GRID2: variants seen among roughly 807,000 people sequenced by gnomAD.
GRID2 encodes glutamate receptor ionotropic, delta-2.
In GRID2, 33 loss-of-function variants were observed where a neutral mutation model predicts 114.8. The ratio of observed to expected loss-of-function variants is 0.29; its 90% CI spans 0.22 to 0.38. The LOEUF (loss-of-function observed/expected upper bound fraction) is 0.38, where lower values mean the gene tolerates loss of function less well. GRID2 is among the 10% of genes least tolerant of loss of function. GRID2 has a pLI of 1.00. For synonymous variants in GRID2, 505 were observed against 449.9 expected (o/e 1.12, Z -1.55); for missense variants, 1,184 against 1,257.7 (o/e 0.94, Z 0.89).
chr4:92,825,123 A>G (rs184369208), intron 2 of GRID2, among the ~76,000 whole-genome samples: 146 of 152,256 alleles, frequency 9.6e-4, no homozygotes, highest in Middle Eastern at 3.4e-3. Context: ...TTTGCAAACA[A>G]TCGTCCACCT....
intron 1 of GRID2, among the ~76,000 whole-genome samples, chr4:92,469,811 G>GA (rs938640552): frequency 2.7e-5 from 4 of 150,556 alleles, no homozygotes; most frequent in Non-Finnish European, 5.9e-5. Context: ...ATACTTGGAA[G>GA]AAAAAACAAA....
At chr4:92,764,076 C>G (rs186415440) in intron 2 of GRID2, among the ~76,000 whole-genome samples, 1 of 152,260 alleles carries the variant, frequency 6.6e-6, no homozygotes, top group Admixed American at 6.5e-5. Context: ...TTCTCCACCT[C>G]ATGGTCTAAG....
At chr4:92,616,691 T>C (rs62307896) in intron 2 of GRID2, among the ~76,000 whole-genome samples, 8,397 of 151,650 alleles carry the variant, frequency 0.055, 291 homozygotes, top group East Asian at 0.16. Context: ...AGACTTAGCA[T>C]ACAGTGTTCC....
intron 8 of GRID2, among the ~76,000 whole-genome samples, chr4:93,303,587 G>A (rs1345222459): frequency 6.6e-6 from 1 of 152,170 alleles, no homozygotes; most frequent in Non-Finnish European, 1.5e-5. Context: ...CAGGGCGCAG[G>A]AGCCAATGCT....
intron 1 of GRID2, among the ~76,000 whole-genome samples, chr4:92,360,530 T>G (rs1728565406): frequency 6.6e-6 from 1 of 152,014 alleles, no homozygotes; most frequent in Admixed American, 6.6e-5. Context: ...AAATTCATAG[T>G]CTGATGGGAA....
At position 92,818,076 on chromosome 4, in the gene GRID2, T is replaced by G. The variant is rs1741024106; in HGVS notation, c.244+227790T>G. ...ACATATGAGATATTGATGATCATGT[T>G]GTCTTTTATGTTATCACTATATCCA... On this transcript the variant is annotated intron_variant, in intron 2 of 15. Transcript: ENST00000282020. Among the ~76,000 whole-genome samples the G allele has an allele frequency of 2.0e-5, 3 of 152,312 alleles. 1 individual carries two copies. Among genetic ancestry groups the G allele is most frequent in the Admixed American group, 2.0e-4 (3 of 15,286 alleles).
chr4:92,758,072 A>G (rs976515200), intron 2 of GRID2, among the ~76,000 whole-genome samples: 3 of 152,118 alleles, frequency 2.0e-5, no homozygotes, highest in Non-Finnish European at 4.4e-5. Flanking sequence ...GCATGTGGAC[A>G]CTTACTAATT....
At chr4:92,410,136 G>A (rs541296196) in intron 1 of GRID2, among the ~76,000 whole-genome samples, 15 of 152,178 alleles carry the variant, frequency 9.9e-5, no homozygotes, top group Non-Finnish European at 1.5e-4. Context: ...TTTGGGTTTC[G>A]GAGGACACCC....
chr4:92,378,180 C>A lies in GRID2; in HGVS notation c.88+73436C>A, dbSNP rs543215734. ...AAGGTAAAGTACTTAATTAAAAAAACTAAAAATTTAAGGGGATTTTAAGTC... is the reference window on the plus strand; with the variant it reads ...AAGGTAAAGTACTTAATTAAAAAAAATAAAAATTTAAGGGGATTTTAAGTC... On this transcript the variant is annotated intron_variant, in intron 1 of 15. Transcript: ENST00000282020. Among the ~76,000 whole-genome samples the A allele has an allele frequency of 2.3e-3, 350 of 151,660 alleles. 8 individuals are homozygous for A. The highest frequency in any genetic ancestry group is 6.3e-4 in the Non-Finnish European group (43 of 67,890).
At chr4:92,644,160 A>G (rs1030656972) in intron 2 of GRID2, among the ~76,000 whole-genome samples, 1 of 151,744 alleles carries the variant, frequency 6.6e-6, no homozygotes, top group Admixed American at 6.6e-5. Flanking sequence ...ACTTTCTAAC[A>G]TCTTTTTCAT....
intron 8 of GRID2, among the ~76,000 whole-genome samples, chr4:93,380,110 A>G (rs1763717222): frequency 6.6e-6 from 1 of 152,114 alleles, no homozygotes; most frequent in Admixed American, 6.6e-5. Context: ...ATCTTTGCAG[A>G]TATAATTGTA....
At chr4:92,881,747 A>C (rs896214246) in intron 2 of GRID2, among the ~76,000 whole-genome samples, 2 of 152,194 alleles carry the variant, frequency 1.3e-5, no homozygotes. Flanking sequence ...TGTTGAGAAA[A>C]ATATTGTCTT....
chr4:92,490,199 G>A, intron 1 of GRID2, among the ~76,000 whole-genome samples: 1 of 152,084 alleles, frequency 6.6e-6, no homozygotes, highest in East Asian at 1.9e-4. Context: ...AAATTAATAA[G>A]ATAGCAAATA....
intron 1 of GRID2, among the ~76,000 whole-genome samples, chr4:92,400,295 C>G (rs982155553): frequency 6.6e-6 from 1 of 152,166 alleles, no homozygotes; most frequent in Non-Finnish European, 1.5e-5. Context: ...AAACCACCAA[C>G]ATACATTCTT....
chr4:92,783,363 C>A lies in GRID2; in HGVS notation c.244+193077C>A, dbSNP rs190781705. Reference sequence around the variant, plus strand: ...TTGTCAAAGTATTCCAAAATGCTAGCAAATAAAATCAGAGAATGTTGTATT... The same window carrying A: ...TTGTCAAAGTATTCCAAAATGCTAGAAAATAAAATCAGAGAATGTTGTATT... On this transcript the variant is annotated intron_variant, in intron 2 of 15. Coordinates refer to ENST00000282020, the MANE Select transcript of GRID2 (RefSeq NM_001510.4). 3.6e-3 allele frequency among the ~76,000 whole-genome samples: 540 copies of A among 151,372 alleles called. 2 individuals carry two copies. The highest frequency in any genetic ancestry group is 0.013 in the African/African-American group (524 of 41,282).
chr4:93,357,100 G>A (rs1761410800), intron 8 of GRID2, among the ~76,000 whole-genome samples: 1 of 151,252 alleles, frequency 6.6e-6, no homozygotes, highest in South Asian at 2.1e-4. Flanking sequence ...TAAGTCTGAA[G>A]GTTTTTCATA....
chr4:93,539,133 C>T (rs375366843), intron 13 of GRID2, among the ~76,000 whole-genome samples: 1 of 151,810 alleles, frequency 6.6e-6, no homozygotes, highest in Non-Finnish European at 1.5e-5. Context: ...CTATTTTAGG[C>T]ATGAACTGTT....
rs919016767 is a variant in GRID2 at position 93,366,201 on chromosome 4, T to G, written c.1246-29406T>G. ...AAACTCTGACTGCCTGTGAGCCGGG[T>G]GGAACAGAGCCATATTTCTCTTCTT... On this transcript the variant is annotated intron_variant, in intron 8 of 15. Transcript: ENST00000282020. Among the ~76,000 whole-genome samples, 20 of 152,218 alleles carry G rather than the reference T, an allele frequency of 1.3e-4. No individual in the cohort carries two copies. In the East Asian group the frequency reaches 3.9e-3, roughly 29 times the overall value.
intron 1 of GRID2, among the ~76,000 whole-genome samples, chr4:93,805,003 T>C (rs1230207444): frequency 6.6e-6 from 1 of 152,232 alleles, no homozygotes; most frequent in African/African-American, 2.4e-5. Context: ...CTTTATGTTG[T>C]ATACCAGTGC....
Sources: gnomAD v4.1 joint callset for allele counts (sites outside exome capture counted in the v4.1 genomes callset) on GRCh38, gnomAD v4.1.1 for gene constraint, MANE v1.5 for transcripts, NCBI Gene and HGNC (gene_info 2026-07-23, HGNC 2026-07-21) for gene names.